Variants in KLHL1 observed in about 807,000 individuals in gnomAD.
KLHL1 encodes the protein kelch-like protein 1.
Under a neutral mutation model 77.7 loss-of-function variants are expected in KLHL1, and 47 were observed. That is an observed-to-expected ratio of 0.60 (90% CI 0.48 to 0.77). The LOEUF (loss-of-function observed/expected upper bound fraction) is 0.77. KLHL1 is among the 30% of genes least tolerant of loss of function. The probability of loss-of-function intolerance (pLI) is 0.00; values close to 1 mark genes in which losing one functional copy is unlikely to be tolerated. For synonymous variants in KLHL1, 360 were observed against 325.2 expected (o/e 1.11, Z -1.15); for missense variants, 925 against 910.8 (o/e 1.02, Z -0.20).
chr13:69,704,809 A>G (rs1004614936), intron 10 of KLHL1, among the ~76,000 whole-genome samples: 12 of 151,690 alleles, frequency 7.9e-5, no homozygotes, highest in African/African-American at 2.9e-4. Context: ...ATGATAAGCT[A>G]AAAAGGTTGG....
chr13:70,052,382 A>G (rs1566534610), intron 1 of KLHL1, among the ~76,000 whole-genome samples: 1 of 151,950 alleles, frequency 6.6e-6, no homozygotes, highest in South Asian at 2.1e-4. Flanking sequence ...AGTATTTGTG[A>G]TAAGTGTTTG....
intron 1 of KLHL1, among the ~76,000 whole-genome samples, chr13:70,009,817 C>T (rs942354588): frequency 2.0e-5 from 3 of 151,464 alleles, no homozygotes; most frequent in African/African-American, 7.3e-5. Context: ...TAGTAATAAA[C>T]AAAAGACAAA....
chr13:69,722,406 T>C (rs905582133), intron 8 of KLHL1, among the ~76,000 whole-genome samples: 2 of 151,812 alleles, frequency 1.3e-5, no homozygotes, highest in African/African-American at 4.8e-5. Flanking sequence ...GACTAAATCA[T>C]GAAGAAATAT....
At chr13:70,085,181 A>G (rs1484437320) in intron 1 of KLHL1, among the ~76,000 whole-genome samples, 4 of 152,212 alleles carry the variant, frequency 2.6e-5, no homozygotes, top group African/African-American at 9.6e-5. Context: ...AGAGACAGCA[A>G]TACAGACAGA....
intron 10 of KLHL1, among the ~76,000 whole-genome samples, chr13:69,707,386 G>A (rs1566351015): frequency 6.6e-6 from 1 of 151,894 alleles, no homozygotes; most frequent in African/African-American, 2.4e-5. Flanking sequence ...TGTGGAAAAT[G>A]AAAATCTTAT....
intron 1 of KLHL1, among the ~76,000 whole-genome samples, chr13:70,044,066 G>A (rs1886439305): frequency 1.3e-5 from 2 of 152,050 alleles, no homozygotes; most frequent in South Asian, 4.1e-4. Context: ...GGTTTCCCAT[G>A]GTACTTAGAA....
intron 1 of KLHL1, among the ~76,000 whole-genome samples, chr13:69,994,374 A>G (rs975090940): frequency 2.0e-5 from 3 of 152,092 alleles, no homozygotes; most frequent in Non-Finnish European, 2.9e-5. Context: ...ACTTCCTCCA[A>G]TGAGGAAACC....
chr13:69,939,729 G>A (rs751057080), intron 4 of KLHL1, among the ~76,000 whole-genome samples: 2 of 151,532 alleles, frequency 1.3e-5, no homozygotes, highest in Non-Finnish European at 2.9e-5. Context: ...TGGAGCCTAT[G>A]CGCCCCTCTC....
chr13:69,819,673 C>T lies in KLHL1; in HGVS notation c.1414+19303G>A, dbSNP rs138024916. On this transcript the variant is annotated intron_variant, in intron 6 of 10. Transcript: ENST00000377844. ...CTTTTAATTCTCCTTCACTTGTCCA[C>T]TCAGTTAATCAGTACCTGAAGGACC... 5.2e-3 allele frequency among the ~76,000 whole-genome samples: 791 copies of T among 152,144 alleles called. 10 individuals carry two copies. The highest frequency in any genetic ancestry group is 0.017 in the African/African-American group (726 of 41,520).
chr13:69,912,569 TAA>T (rs1338245040), intron 4 of KLHL1, among the ~76,000 whole-genome samples: 1 of 152,136 alleles, frequency 6.6e-6, no homozygotes, highest in Non-Finnish European at 1.5e-5. Flanking sequence ...TTTTTTTTAT[TAA>T]AAGATTCCTG....
At chr13:69,879,913 TGA>T (rs1207777995) in intron 5 of KLHL1, among the ~76,000 whole-genome samples, 1 of 152,028 alleles carries the variant, frequency 6.6e-6, no homozygotes, top group African/African-American at 2.4e-5. Context: ...AGAAATTAAA[TGA>T]GATAAAATCG....
intron 4 of KLHL1, among the ~76,000 whole-genome samples, chr13:69,928,213 G>C (rs916116850): frequency 7.9e-5 from 12 of 152,178 alleles, no homozygotes; most frequent in Non-Finnish European, 1.8e-4. Context: ...GACTCTCATA[G>C]AGGAAAATCA....
chr13:70,103,351 A>G (rs1007054415), intron 1 of KLHL1, among the ~76,000 whole-genome samples: 8 of 152,188 alleles, frequency 5.3e-5, no homozygotes, highest in Admixed American at 5.2e-4. Flanking sequence ...CAGGTAATCC[A>G]TGGTACAGAT....
intron 1 of KLHL1, among the ~76,000 whole-genome samples, chr13:70,036,445 C>G (rs1593693092): frequency 6.6e-6 from 1 of 151,954 alleles, no homozygotes; most frequent in Non-Finnish European, 1.5e-5. Flanking sequence ...TAATAACTAT[C>G]CTGATTAGTT....
At chr13:69,989,780 A>G (rs1044704945) in intron 1 of KLHL1, among the ~76,000 whole-genome samples, 2 of 151,948 alleles carry the variant, frequency 1.3e-5, no homozygotes, top group Non-Finnish European at 2.9e-5. Flanking sequence ...GTTAGTGTAT[A>G]GGAATGCTAC....
intron 1 of KLHL1, among the ~76,000 whole-genome samples, chr13:70,056,443 T>A (rs1886747259): frequency 6.6e-6 from 1 of 151,908 alleles, no homozygotes; most frequent in Admixed American, 6.6e-5. Flanking sequence ...AGAAAGAAAA[T>A]CAACAAAGAA....
chr13:69,725,681 A>C (rs991782588), intron 8 of KLHL1, among the ~76,000 whole-genome samples: 12 of 152,196 alleles, frequency 7.9e-5, no homozygotes, highest in Non-Finnish European at 5.9e-5. Flanking sequence ...ATTTTGCAAT[A>C]GACATCATCA....
At chr13:69,792,532 T>C (rs1317746042) in intron 7 of KLHL1, among the ~76,000 whole-genome samples, 1 of 152,114 alleles carries the variant, frequency 6.6e-6, no homozygotes, top group Admixed American at 6.6e-5. Flanking sequence ...ACCACAGGAC[T>C]CAATAATCCC....
intron 7 of KLHL1, among the ~76,000 whole-genome samples, chr13:69,784,123 CA>C (rs1392309122): frequency 6.6e-6 from 1 of 151,838 alleles, no homozygotes; most frequent in African/African-American, 2.4e-5. Flanking sequence ...ACTTTACAGA[CA>C]AGCAAATGCT....
Sources: gnomAD v4.1 joint callset for allele counts (sites outside exome capture counted in the v4.1 genomes callset) on GRCh38, gnomAD v4.1.1 for gene constraint, MANE v1.5 for transcripts, NCBI Gene and HGNC (gene_info 2026-07-23, HGNC 2026-07-21) for gene names.